The following SBNO2 variants were observed in gnomAD, a reference collection of about 807,000 sequenced individuals.
The protein encoded by SBNO2 is strawberry notch homolog 2.
A neutral mutation model predicts 146.3 loss-of-function variants in SBNO2; 89 were observed. The observed-to-expected ratio is 0.61, with a 90% CI of 0.51 to 0.73. The LOEUF (loss-of-function observed/expected upper bound fraction) is 0.73. SBNO2 is among the 30% of genes least tolerant of loss of function. The pLI is 0.00. For synonymous variants in SBNO2, 1,147 were observed against 892.6 expected (o/e 1.29, Z -5.08); for missense variants, 2,092 against 2,003.7 (o/e 1.04, Z -0.84).
In SBNO2 at chr19:1,107,978, C is replaced by G; in HGVS notation, c.*242G>C. 3.1e-6 allele frequency: 1 copy of G among 318,630 alleles called. No homozygotes were observed. The highest frequency in any genetic ancestry group is 5.8e-6 in the Non-Finnish European group (1 of 172,898). 19.7% of individuals were successfully genotyped at this position (318,630 alleles called of 1,614,324 possible). The stretch of plus-strand genomic sequence containing the variant: ...CCAGTCCCAGAGCAGCCACCCGGAG[C>G]CCCTTCCTACTTGGGAGGAGAGGCA... On this transcript the variant is annotated 3_prime_UTR_variant, in exon 32 of 32. Transcript: ENST00000361757.
Position 1,144,263 on chromosome 19 carries a change from G to A in SBNO2, c.279+3046C>T, listed in dbSNP as rs2080165837. Among the ~76,000 whole-genome samples, 1 of 151,514 alleles carries A rather than the reference G, an allele frequency of 6.6e-6. No individual in the cohort carries two copies. Among genetic ancestry groups the A allele is most frequent in the Non-Finnish European group, 1.5e-5 (1 of 67,866 alleles). ...CCGTCCCATCCCACACTCAGCACTG[G>A]GGGACCACGCGGCCCGGCCCACACT... On this transcript the variant is annotated intron_variant, in intron 4 of 31. Coordinates refer to ENST00000361757, the MANE Select transcript of SBNO2 (RefSeq NM_014963.3). The surrounding 1 kb of genome is among the most constrained non-coding windows in gnomAD (Gnocchi z 4.1).
intron 1 of SBNO2, among the ~76,000 whole-genome samples, chr19:1,169,478 C>T (rs112578597): frequency 0.011 from 1,628 of 152,346 alleles, 14 homozygotes; most frequent in Non-Finnish European, 0.016. Context: ...GGCCTGTCCC[C>T]CTCATGCCAA....
rs2079922831 is a variant in SBNO2, at chr19:1,123,070, A to T, written c.629-25T>A. ...GCTGGAGGAGCAAGGACGGAGGGCA[A>T]GGTAAAGGGTATGGCCAAGGGGTGA... On this transcript the variant is annotated intron_variant, in intron 7 of 31. Transcript: ENST00000361757. The T allele has an allele frequency of 1.1e-5, 18 of 1,586,736 alleles. No homozygotes were observed. The East Asian group carries it at 4.1e-4, about 36-fold the overall frequency.
rs758628442 is a variant in SBNO2, at chr19:1,140,449, T to C, written c.279+6860A>G. On this transcript the variant is annotated intron_variant, in intron 4 of 31. Transcript: ENST00000361757. This position sits in a 1 kb window ranked among gnomAD's most constrained non-coding sequence, Gnocchi z 4.4. ...TGAGCCTGATGGCTTCGCGCCAACC[T>C]GGAGACGGAAGGCTGAGCAGAAGTG... 1.4e-4 allele frequency among the ~76,000 whole-genome samples: 21 copies of C among 151,998 alleles called. No individual in the cohort carries two copies. The highest frequency in any genetic ancestry group is 2.6e-4 in the Admixed American group (4 of 15,276).
At chr19:1,122,595 C>G (rs1182186743) in intron 9 of SBNO2, 37 bp from the exon 10 acceptor site, 3 of 1,450,996 alleles carry the variant, frequency 2.1e-6, no homozygotes, top group Non-Finnish European at 2.8e-6. Flanking sequence ...CCACCCTTCC[C>G]CCTCGCCCCC....
intron 2 of SBNO2, among the ~76,000 whole-genome samples, 172 bp from the exon 3 acceptor site, chr19:1,149,614 A>G (rs1309566230): frequency 6.6e-6 from 1 of 152,154 alleles, no homozygotes; most frequent in African/African-American, 2.4e-5. Context: ...CCCGTGCCTC[A>G]GTTTCCCCAC....
intron 2 of SBNO2, among the ~76,000 whole-genome samples, chr19:1,151,620 C>A (rs1037347157): frequency 6.6e-6 from 1 of 152,218 alleles, no homozygotes; most frequent in African/African-American, 2.4e-5. Context: ...CAGAGATGGG[C>A]ACCTGACCCT....
At chr19:1,120,213 C>T (rs1568573033) in intron 11 of SBNO2, 190 bp from the exon 12 acceptor site, 1 of 593,422 alleles carries the variant, frequency 1.7e-6, no homozygotes, top group African/African-American at 1.9e-5. Context: ...GCGGCCCCCA[C>T]ACGACCATTA....
At chr19:1,149,913 G>A (rs913615119) in intron 2 of SBNO2, among the ~76,000 whole-genome samples, 17 of 152,190 alleles carry the variant, frequency 1.1e-4, no homozygotes, top group African/African-American at 3.4e-4. Flanking sequence ...TGGGGCAGGC[G>A]AGGGCCTCAC....
At chr19:1,139,698 G>A (rs1038972737) in intron 4 of SBNO2, among the ~76,000 whole-genome samples, 4 of 152,096 alleles carry the variant, frequency 2.6e-5, no homozygotes, top group African/African-American at 9.7e-5. Flanking sequence ...GGGAGGCTGA[G>A]GCAGGAGAAT....
chr19:1,112,545 G>C lies in SBNO2; in HGVS notation c.2380-8C>G. 6.3e-7 allele frequency: 1 copy of C among 1,594,364 alleles called. No homozygotes were observed. ...CGAGATGATGGCCACGAGCTAGGGG[G>C]AAAGAAGGGGCCGGGACACGGTTGG... On this transcript the variant is annotated splice_region_variant and splice_polypyrimidine_tract_variant and intron_variant, in intron 20 of 31. Coordinates refer to ENST00000361757, the MANE Select transcript of SBNO2 (RefSeq NM_014963.3). This position sits in a 1 kb window ranked among gnomAD's most constrained non-coding sequence, Gnocchi z 5.9.
intron 7 of SBNO2, 110 bp from the exon 8 acceptor site, chr19:1,123,155 T>A: frequency 7.9e-7 from 1 of 1,269,650 alleles, no homozygotes; most frequent in Non-Finnish European, 1.1e-6. Flanking sequence ...GGCGGGGCAG[T>A]TTGGGGGCGT....
intron 4 of SBNO2, among the ~76,000 whole-genome samples, chr19:1,146,751 T>G (rs1286937728): frequency 7.3e-5 from 3 of 41,070 alleles, no homozygotes; most frequent in East Asian, 2.0e-3. Context: ...GATGCCGCAG[T>G]GGGAGGCTGT....
chr19:1,121,356 G>T (rs965907543), intron 11 of SBNO2, among the ~76,000 whole-genome samples: 2 of 152,204 alleles, frequency 1.3e-5, no homozygotes, highest in African/African-American at 4.8e-5. Flanking sequence ...CACATAGATT[G>T]TTCAGCCGGG....
chr19:1,168,454 G>C (rs2080446580), intron 1 of SBNO2, among the ~76,000 whole-genome samples: 1 of 152,150 alleles, frequency 6.6e-6, no homozygotes, highest in Non-Finnish European at 1.5e-5. Context: ...AAACATTCTG[G>C]TCACAGTGAT....
In SBNO2 at chr19:1,116,018, T is replaced by TA. The variant is rs1173935324; in HGVS notation, c.1885+2dup. ...GGGTGGGGCCATGGGGGGCAGGGCT[T>TA]ACGTTTCCGCTTGCTGCCCGCTCCT... On this transcript the variant is annotated splice_region_variant and intron_variant, in intron 17 of 31. Coordinates refer to ENST00000361757, the MANE Select transcript of SBNO2 (RefSeq NM_014963.3). 6.8e-6 allele frequency: 11 copies of TA among 1,607,140 alleles called. No individual in the cohort carries two copies. The highest frequency in any genetic ancestry group is 1.3e-5 in the African/African-American group (1 of 74,348).
rs776060128 is a variant in SBNO2, at chr19:1,110,926, G to A, written c.2885-38C>T. 3.7e-6 allele frequency: 6 copies of A among 1,611,364 alleles called. No individual in the cohort carries two copies. Among genetic ancestry groups the A allele is most frequent in the East Asian group, 4.5e-5 (2 of 44,808 alleles). On this transcript the variant is annotated intron_variant, in intron 25 of 31. Coordinates refer to ENST00000361757, the MANE Select transcript of SBNO2 (RefSeq NM_014963.3). The surrounding 1 kb of genome is among the most constrained non-coding windows in gnomAD (Gnocchi z 4.9). ...GGAGCCAAGCCTCAGGCTGCGCTGG[G>A]AATCCCTCTCCCTGCTTTGCTCACC... is the stretch of plus-strand genomic sequence containing the variant.
intron 4 of SBNO2, chr19:1,132,246 G>T: frequency 7.6e-7 from 1 of 1,308,562 alleles, no homozygotes; most frequent in Non-Finnish European, 9.7e-7. Context: ...GGACGGGGGC[G>T]GCTCTCCGCC....
intron 1 of SBNO2, among the ~76,000 whole-genome samples, chr19:1,160,909 G>C (rs558626438): frequency 6.6e-6 from 1 of 151,484 alleles, no homozygotes; most frequent in Non-Finnish European, 1.5e-5. Flanking sequence ...GGGCAGCTCT[G>C]CCAGGACCAC....
Sources: gnomAD v4.1 joint callset for allele counts (sites outside exome capture counted in the v4.1 genomes callset) on GRCh38, gnomAD v4.1.1 for gene constraint, Gnocchi (gnomAD v3.1) non-coding constraint, MANE v1.5 for transcripts, NCBI Gene and HGNC (gene_info 2026-07-23, HGNC 2026-07-21) for gene names.